Variants in UBR2 observed in about 807,000 individuals in gnomAD.
UBR2 encodes the protein ubiquitin protein ligase E3 component n-recognin 2.
In UBR2, 92 loss-of-function variants were observed where a neutral mutation model predicts 247.9. The observed-to-expected ratio is 0.37, with a 90% CI of 0.31 to 0.44. UBR2 has a LOEUF of 0.44. Among genes scored for constraint, UBR2 ranks in the 20% least tolerant of loss-of-function variants. The probability of loss-of-function intolerance (pLI) is 1.00; values close to 1 mark genes in which losing one functional copy is unlikely to be tolerated. For synonymous variants in UBR2, 672 were observed against 693.5 expected, an observed-to-expected ratio of 0.97 and a Z score of 0.49; for missense variants, 1,613 against 2,112.6, an observed-to-expected ratio of 0.76 and a Z score of 4.64.
chr6:42,646,808 T>TAG (rs1491245623), intron 21 of UBR2, among the ~76,000 whole-genome samples: 13 of 137,788 alleles, frequency 9.4e-5, no homozygotes, highest in African/African-American at 3.0e-4. Context: ...TATATATGTT[T>TAG]ATATATATAT....
chr6:42,602,634 C>T (rs1793456796), intron 4 of UBR2, among the ~76,000 whole-genome samples: 1 of 147,102 alleles, frequency 6.8e-6, no homozygotes, highest in Non-Finnish European at 1.5e-5. Flanking sequence ...TGTATATATA[C>T]ATTTACATTA....
intron 18 of UBR2, among the ~76,000 whole-genome samples, chr6:42,643,261 AGTT>A (rs1470805759): frequency 1.3e-5 from 2 of 152,094 alleles, no homozygotes; most frequent in East Asian, 3.9e-4. Context: ...GTCACATAGT[AGTT>A]GTTCTCTGAT....
chr6:42,675,062 T>G (rs1019822240), intron 38 of UBR2, among the ~76,000 whole-genome samples: 2 of 152,216 alleles, frequency 1.3e-5, no homozygotes, highest in Admixed American at 6.5e-5. Flanking sequence ...GACCTCAGAT[T>G]CTGCCCCTTT....
intron 30 of UBR2, among the ~76,000 whole-genome samples, chr6:42,661,008 AAAAG>A (rs1397874648): frequency 1.4e-5 from 2 of 147,986 alleles, no homozygotes; most frequent in Non-Finnish European, 1.5e-5. Context: ...AAAAAAAAAA[AAAAG>A]GCCAGGCGCA....
chr6:42,689,906 T>C lies in UBR2; in HGVS notation c.5126+236T>C, dbSNP rs1453065357. Among the ~76,000 whole-genome samples the C allele has an allele frequency of 6.6e-6, 1 of 152,136 alleles. No individual in the cohort carries two copies. Among genetic ancestry groups the C allele is most frequent in the African/African-American group, 2.4e-5 (1 of 41,420 alleles). The stretch of plus-strand genomic sequence containing the variant: ...AGAATAGGACAGAGTGCAACTTTAT[T>C]CCATTTATCACTCCAAAGAACTGTT... On this transcript the variant is annotated intron_variant, in intron 46 of 46. Transcript: ENST00000372901. The surrounding 1 kb of genome is among the most constrained non-coding windows in gnomAD (Gnocchi z 4.0).
Position 42,648,136 on chromosome 6 carries a change from A to T in UBR2, c.2428A>T (p.Met810Leu). Residue 810 changes from methionine to leucine, a missense_variant, in exon 22 of 47, where the codon ATG becomes TTG. Coordinates refer to ENST00000372901, the MANE Select transcript of UBR2 (RefSeq NM_001363705.2). Reference sequence around the variant, plus strand: ...CCTTTAGGAGAACAAGGAGACTGGCATGGAGAGTGTAATCGAAGCAGTTGC... The same window carrying T: ...CCTTTAGGAGAACAAGGAGACTGGCTTGGAGAGTGTAATCGAAGCAGTTGC... ...LPEDENKETG[M>L]ESVIEAVAHF... 1 of 1,614,036 alleles carries T rather than the reference A, an allele frequency of 6.2e-7. No individual in the cohort carries two copies. The highest frequency in any genetic ancestry group is 8.5e-7 in the Non-Finnish European group (1 of 1,179,900).
At chr6:42,673,669 G>T in intron 36 of UBR2, 122 bp from the exon 37 acceptor site, 1 of 636,524 alleles carries the variant, frequency 1.6e-6, no homozygotes. Flanking sequence ...AGATGTCATA[G>T]ATCTAGTTCC....
intron 1 of UBR2, among the ~76,000 whole-genome samples, chr6:42,565,677 C>T (rs1790738145): frequency 6.6e-6 from 1 of 152,152 alleles, no homozygotes; most frequent in African/African-American, 2.4e-5. Context: ...TCTGCTGCCT[C>T]AGCCCCTCGA....
intron 5 of UBR2, 45 bp from the exon 6 acceptor site, chr6:42,605,676 A>G: frequency 1.3e-6 from 2 of 1,563,924 alleles, no homozygotes; most frequent in Non-Finnish European, 1.7e-6. Flanking sequence ...CTGGAGCAAG[A>G]TAATAAACAA....
At chr6:42,623,191 G>T (rs537131226) in intron 11 of UBR2, among the ~76,000 whole-genome samples, 2 of 152,056 alleles carry the variant, frequency 1.3e-5, no homozygotes, top group African/African-American at 2.4e-5. Context: ...ATATTTTACC[G>T]TAAAGTATGA....
At chr6:42,585,043 T>C (rs867441080) in intron 2 of UBR2, among the ~76,000 whole-genome samples, 2 of 152,176 alleles carry the variant, frequency 1.3e-5, no homozygotes, top group Admixed American at 6.5e-5. Context: ...TAGGGAGAAA[T>C]TCAGTCTTTC....
intron 21 of UBR2, 21 bp from the exon 22 acceptor site, chr6:42,648,097 A>G (rs1796887763): frequency 6.2e-7 from 1 of 1,608,186 alleles, no homozygotes; most frequent in African/African-American, 1.3e-5. Context: ...CATGAAACAC[A>G]CTTGTGTCCT....
chr6:42,656,633 G>T (rs940394669), intron 26 of UBR2, among the ~76,000 whole-genome samples: 3 of 152,318 alleles, frequency 2.0e-5, no homozygotes, highest in African/African-American at 7.2e-5. Flanking sequence ...ACTGTGTTCA[G>T]TGCCATTTCT....
At chr6:42,675,486 C>T (rs770744674) in intron 38 of UBR2, among the ~76,000 whole-genome samples, 4 of 152,106 alleles carry the variant, frequency 2.6e-5, no homozygotes, top group Non-Finnish European at 5.9e-5. Context: ...TTTTTGTTAA[C>T]AATAAGCTAT....
intron 4 of UBR2, among the ~76,000 whole-genome samples, chr6:42,595,055 T>C (rs1256067803): frequency 6.6e-6 from 1 of 152,202 alleles, no homozygotes; most frequent in Non-Finnish European, 1.5e-5. Flanking sequence ...GTGATATTTA[T>C]GGGGCACAGT....
intron 2 of UBR2, among the ~76,000 whole-genome samples, chr6:42,579,562 G>T (rs1198244916): frequency 6.6e-6 from 1 of 152,108 alleles, no homozygotes; most frequent in African/African-American, 2.4e-5. Context: ...CCATTCTGTC[G>T]CTTAGTCTAG....
intron 8 of UBR2, among the ~76,000 whole-genome samples, chr6:42,613,505 C>G (rs955601834): frequency 8.5e-5 from 13 of 152,064 alleles, no homozygotes; most frequent in Non-Finnish European, 1.5e-4. Context: ...GACGATCCCT[C>G]GAGCCCAGGA....
chr6:42,585,668 A>G (rs1394156567), intron 2 of UBR2, among the ~76,000 whole-genome samples: 1 of 152,136 alleles, frequency 6.6e-6, no homozygotes, highest in Non-Finnish European at 1.5e-5. Context: ...TTGGCACTAT[A>G]TATTTTTCAA....
Position 42,658,665 on chromosome 6 carries a change from A to C in UBR2, c.3083A>C (p.Lys1028Thr). The C allele has an allele frequency of 6.2e-7, 1 of 1,611,208 alleles. No individual in the cohort carries two copies. Among genetic ancestry groups the C allele is most frequent in the South Asian group, 1.1e-5 (1 of 90,404 alleles). The change falls in exon 29 of 47, where the codon AAA (lysine) becomes ACA (threonine). Residue 1028 changes from lysine (K) to threonine (T), a missense_variant. Physicochemically the swap from Lys to Thr is moderately conservative, Grantham distance 78. Around this residue, in one of 3 missense-constraint regions of UBR2, gnomAD observed 1,524 missense variants for 1,967.3 expected, o/e 0.77. Transcript: ENST00000372901. ...IMEESSRDKD[K>T]AERKRKAEIA... ...TTTCAGAGTTCAAGGGACAAAGACA[A>C]AGCTGAGAGGAAGAGAAAAGCAGAG...
Sources: allele counts gnomAD v4.1 joint callset (sites outside exome capture counted in the v4.1 genomes callset), GRCh38; gene constraint gnomAD v4.1.1; regional missense constraint gnomAD v4.1.1; non-coding constraint Gnocchi (gnomAD v3.1); transcripts MANE v1.5; gene names NCBI Gene and HGNC (gene_info 2026-07-23, HGNC 2026-07-21).